The following HMCN2 variants were observed in gnomAD, a reference collection of about 807,000 sequenced individuals.
HMCN2 encodes hemicentin 2.
Under a neutral mutation model 377.5 loss-of-function variants are expected in HMCN2, and 325 were observed. The ratio of observed to expected loss-of-function variants is 0.86; its 90% confidence interval spans 0.79 to 0.94. HMCN2 has a LOEUF of 0.94. Ranked by LOEUF, HMCN2 falls within the 40% of genes least tolerant of loss-of-function variation. The pLI is 0.00. For synonymous variants in HMCN2, 2,007 were observed against 2,046.8 expected, an observed-to-expected ratio of 0.98 and a Z score of 0.53; for missense variants, 4,543 against 4,725.3, an observed-to-expected ratio of 0.96 and a Z score of 1.13.
At chr9:130,340,070 C>T (rs1409968451) in intron 23 of HMCN2, among the ~76,000 whole-genome samples, 1 of 152,242 alleles carries the variant, frequency 6.6e-6, no homozygotes, top group Non-Finnish European at 1.5e-5. Flanking sequence ...GTCATATAAC[C>T]TTTCTGAGAC....
At chr9:130,333,609 C>T (rs1024067195) in intron 22 of HMCN2, among the ~76,000 whole-genome samples, 1 of 152,234 alleles carries the variant, frequency 6.6e-6, no homozygotes, top group Non-Finnish European at 1.5e-5. Context: ...CCGCTCATCA[C>T]ACCATGTGCC....
intron 8 of HMCN2, among the ~76,000 whole-genome samples, 183 bp from the exon 9 acceptor site, chr9:130,302,674 G>A (rs1390190542): frequency 6.6e-6 from 1 of 152,182 alleles, no homozygotes. Context: ...ACAACAGGAC[G>A]AGGATGGTAC....
At chr9:130,287,924 C>T (rs1835506810) in intron 4 of HMCN2, among the ~76,000 whole-genome samples, 1 of 152,176 alleles carries the variant, frequency 6.6e-6, no homozygotes, top group South Asian at 2.1e-4. Context: ...AGAGAGCTAT[C>T]TCCAGGAGTG....
At position 130,417,197 on chromosome 9, in the gene HMCN2, A is replaced by C. The variant is rs548209246; in HGVS notation, c.12962-1575A>C. Reference sequence around the variant, plus strand: ...CAAAGTGCTAGGGTTACAGGCATGAACCACCATACCCAGCTGCAAGTATTG... The same window carrying C: ...CAAAGTGCTAGGGTTACAGGCATGACCCACCATACCCAGCTGCAAGTATTG... On this transcript the variant is annotated intron_variant, in intron 85 of 97. Transcript: ENST00000683500. Among the ~76,000 whole-genome samples the C allele has an allele frequency of 2.7e-3, 412 of 151,888 alleles. 3 individuals are homozygous for C. The highest frequency in any genetic ancestry group is 9.4e-3 in the African/African-American group (390 of 41,404).
rs948110702 is a variant in HMCN2, at chr9:130,320,373, C to G, written c.2569C>G (p.Gln857Glu). The G allele has an allele frequency of 1.4e-4, 21 of 152,524 alleles. No individual in the cohort carries two copies. Among genetic ancestry groups the G allele is most frequent in the African/African-American group, 5.1e-4 (21 of 41,574 alleles). 9.4% of individuals were successfully genotyped at this position (152,524 alleles called of 1,614,324 possible). ...LFFESVAPEDQAPYVCEARNV... is the reference protein window; with the variant it reads ...LFFESVAPEDEAPYVCEARNV... ...CCCCTCAGGTGTGGCCCCAGAAGAC[C>G]AGGCCCCATATGTCTGTGAAGCTCG... Residue 857 changes from glutamine (Q) to glutamate (E), a missense_variant, in exon 17 of 98, where the codon CAG becomes GAG. By Grantham distance (29) the Gln-to-Glu change is conservative. This residue lies in a region of HMCN2 where 547 missense variants were observed against 189.9 expected (regional missense o/e 2.88). Transcript: ENST00000683500.
Position 130,360,266 on chromosome 9 carries a change from A to G in HMCN2, c.5774-162A>G, listed in dbSNP as rs1279663114. 2.0e-5 allele frequency among the ~76,000 whole-genome samples: 3 copies of G among 151,612 alleles called. No individual in the cohort carries two copies. Among genetic ancestry groups the G allele is most frequent in the African/African-American group, 7.3e-5 (3 of 41,160 alleles). On this transcript the variant is annotated intron_variant, in intron 37 of 97. Coordinates refer to ENST00000683500, the MANE Select transcript of HMCN2 (RefSeq NM_001291815.2). The surrounding 1 kb of genome is among the most constrained non-coding windows in gnomAD (Gnocchi z 4.7). ...TCTTGGGTGCCCACCACACCAGCAG[A>G]GTCTGACGGGCTGGCAGCACCCTTG...
intron 22 of HMCN2, among the ~76,000 whole-genome samples, chr9:130,336,727 C>T (rs1838770533): frequency 6.6e-6 from 1 of 152,198 alleles, no homozygotes; most frequent in Admixed American, 6.5e-5. Context: ...CATTGCACTA[C>T]TCTGCAGATG....
intron 80 of HMCN2, among the ~76,000 whole-genome samples, chr9:130,404,244 G>C (rs993488910): frequency 6.6e-6 from 1 of 152,212 alleles, no homozygotes; most frequent in African/African-American, 2.4e-5. Context: ...AGTCTGCTGG[G>C]AATATTCAGT....
At chr9:130,400,761 C>T (rs936518191) in intron 76 of HMCN2, 22 bp from the exon 77 acceptor site, 3 of 1,274,906 alleles carry the variant, frequency 2.4e-6, no homozygotes, top group African/African-American at 1.5e-5. Flanking sequence ...GGCAGGGCCT[C>T]AAGCCTTGTC....
intron 4 of HMCN2, among the ~76,000 whole-genome samples, chr9:130,292,285 C>T (rs571926908): frequency 2.0e-4 from 30 of 152,276 alleles, no homozygotes; most frequent in Admixed American, 5.9e-4. Flanking sequence ...GTAATGTTCT[C>T]GCTCTGTGCG....
chr9:130,325,228 G>A (rs1838071315), intron 19 of HMCN2, among the ~76,000 whole-genome samples: 1 of 151,780 alleles, frequency 6.6e-6, no homozygotes, highest in Non-Finnish European at 1.5e-5. Flanking sequence ...CCGAGTAGCT[G>A]GGATTACAAG....
At chr9:130,323,124 C>A (rs935658197) in intron 19 of HMCN2, among the ~76,000 whole-genome samples, 4 of 152,188 alleles carry the variant, frequency 2.6e-5, no homozygotes, top group Non-Finnish European at 5.9e-5. Flanking sequence ...CACCCCCTAA[C>A]TTCCCACTGT....
Position 130,304,618 on chromosome 9 carries a change from G to C in HMCN2, c.1544-112G>C. On this transcript the variant is annotated intron_variant, in intron 10 of 97. Coordinates refer to ENST00000683500, the MANE Select transcript of HMCN2 (RefSeq NM_001291815.2). This position sits in a 1 kb window ranked among gnomAD's most constrained non-coding sequence, Gnocchi z 4.3. ...TAGCTGACATGTCCTGAATGATCTG[G>C]TTCGGGTGGGCCTGCACCTCAGGGT... 2.7e-6 allele frequency: 1 copy of C among 371,266 alleles called. No homozygotes were observed. Among genetic ancestry groups the C allele is most frequent in the Non-Finnish European group, 5.5e-6 (1 of 181,616 alleles). 23.0% of individuals were successfully genotyped at this position (371,266 alleles called of 1,614,324 possible).
intron 77 of HMCN2, among the ~76,000 whole-genome samples, chr9:130,402,280 G>C (rs978079348): frequency 6.6e-6 from 1 of 152,212 alleles, no homozygotes; most frequent in Non-Finnish European, 1.5e-5. Flanking sequence ...TAGAACCCTC[G>C]TCACTTGACT....
rs934945599 is a variant in HMCN2 at position 130,349,652 on chromosome 9, C to G, written c.4419C>G (p.Thr1473=). 9.2e-6 allele frequency: 12 copies of G among 1,303,394 alleles called. No homozygotes were observed. The highest frequency in any genetic ancestry group is 1.2e-5 in the Non-Finnish European group (12 of 988,546). 80.7% of individuals were successfully genotyped at this position (1,303,394 alleles called of 1,614,324 possible). A position where few individuals can be genotyped will look rare whatever the true frequency, so the allele number is the denominator to read the frequency against. ...TCCCCACGCCCCAGGTGGAGTGGAC[C>G]AAGGACAGGCAGTGAGTGCCCCCCT... ...SGVPTPQVEW[T]KDRQPVLPGG... Residue 1473 remains threonine (T), a synonymous_variant, in exon 29 of 98, where the codon ACC becomes ACG. Transcript: ENST00000683500.
chr9:130,289,344 G>T (rs575573994), intron 4 of HMCN2, among the ~76,000 whole-genome samples: 76 of 152,270 alleles, frequency 5.0e-4, no homozygotes, highest in Non-Finnish European at 9.4e-4. Flanking sequence ...GGAAGATGGG[G>T]GGGTGAGGGG....
At chr9:130,350,275 G>A (rs1043946165) in intron 29 of HMCN2, among the ~76,000 whole-genome samples, 4 of 150,412 alleles carry the variant, frequency 2.7e-5, no homozygotes, top group East Asian at 2.0e-4. Context: ...GGTGGCTCAC[G>A]CCTGTAATCC....
intron 87 of HMCN2, among the ~76,000 whole-genome samples, chr9:130,424,437 C>T (rs908401220): frequency 2.0e-5 from 3 of 151,824 alleles, no homozygotes; most frequent in East Asian, 1.9e-4. Flanking sequence ...CTGACTGCCT[C>T]GGCCTCCCAA....
In HMCN2 at chr9:130,400,864, G is replaced by C. The variant is rs569953551; in HGVS notation, c.11687G>C (p.Gly3896Ala). ...APVVLTCHSTGIPAPTVSWSK... is the reference protein window; with the variant it reads ...APVVLTCHSTAIPAPTVSWSK... ...GTGGTCCTCACATGTCACAGCACGG[G>C]TATACCAGCTCCGACCGTGTCCTGG... The change falls in exon 77 of 98, where the codon GGT (glycine) becomes GCT (alanine). Residue 3896 changes from glycine to alanine, a missense_variant. Around this residue, in one of 5 missense-constraint regions of HMCN2, gnomAD observed 1,073 missense variants for 1,319.5 expected, o/e 0.81. Coordinates refer to ENST00000683500, the MANE Select transcript of HMCN2 (RefSeq NM_001291815.2). The C allele has an allele frequency of 7.8e-7, 1 of 1,289,630 alleles. No individual in the cohort carries two copies. Among genetic ancestry groups the C allele is most frequent in the South Asian group, 1.2e-5 (1 of 80,972 alleles). 79.9% of individuals were successfully genotyped at this position (1,289,630 alleles called of 1,614,324 possible).
Sources: gnomAD v4.1 joint callset for allele counts (sites outside exome capture counted in the v4.1 genomes callset) on GRCh38, gnomAD v4.1.1 for gene constraint, gnomAD v4.1.1 regional missense constraint, Gnocchi (gnomAD v3.1) non-coding constraint, MANE v1.5 for transcripts, NCBI Gene and HGNC (gene_info 2026-07-23, HGNC 2026-07-21) for gene names.